SHISA9: variants seen among roughly 807,000 people sequenced by gnomAD.
SHISA9 encodes the protein shisa family member 9.
A neutral mutation model predicts 38.0 loss-of-function variants in SHISA9; 13 were observed. That is an observed-to-expected ratio of 0.34 (90% CI 0.22 to 0.54). The LOEUF (loss-of-function observed/expected upper bound fraction) is 0.54, where lower values mean the gene tolerates loss of function less well. Among genes scored for constraint, SHISA9 ranks in the 20% least tolerant of loss-of-function variants. SHISA9 has a pLI of 0.91. For missense variants in SHISA9, 538 were observed against 575.8 expected, an observed-to-expected ratio of 0.93 and a Z score of 0.67; for synonymous variants, 275 against 242.0, an observed-to-expected ratio of 1.14 and a Z score of -1.27.
the SHISA9 span, among the ~76,000 whole-genome samples, chr16:13,530,289 A>C: frequency 6.6e-5 from 10 of 152,216 alleles, no homozygotes; most frequent in African/African-American, 2.4e-4. Flanking sequence ...TGACAGAGTG[A>C]GACTCCGTCT....
chr16:13,183,390 T>C (rs973781147), intron 2 of SHISA9, among the ~76,000 whole-genome samples: 1 of 152,278 alleles, frequency 6.6e-6, no homozygotes, highest in Non-Finnish European at 1.5e-5. Flanking sequence ...AAGTAATCCA[T>C]GGCTAGTGTT....
At chr16:13,008,988 T>C (rs774050039) in intron 2 of SHISA9, among the ~76,000 whole-genome samples, 16 of 152,088 alleles carry the variant, frequency 1.1e-4, no homozygotes, top group Non-Finnish European at 1.9e-4. Flanking sequence ...CCAAAGTCTT[T>C]GTCAATCAGG....
the SHISA9 span, among the ~76,000 whole-genome samples, chr16:13,316,753 TC>T: frequency 4.6e-5 from 7 of 152,298 alleles, no homozygotes; most frequent in African/African-American, 1.7e-4. Flanking sequence ...TAGTGTTAGC[TC>T]ATTTGATCCT....
the SHISA9 span, among the ~76,000 whole-genome samples, chr16:13,559,450 T>G: frequency 1.3e-5 from 2 of 151,422 alleles, no homozygotes; most frequent in Admixed American, 1.3e-4. Context: ...CAATCATAGC[T>G]CATTGCAGCC....
intron 2 of SHISA9, among the ~76,000 whole-genome samples, chr16:13,083,869 A>C (rs1166476738): frequency 2.6e-5 from 4 of 152,172 alleles, no homozygotes; most frequent in East Asian, 1.9e-4. Flanking sequence ...TGTGAAAAGA[A>C]TCTGGGCAGG....
chr16:12,942,241 C>T (rs1164172097), intron 2 of SHISA9, among the ~76,000 whole-genome samples: 4 of 152,178 alleles, frequency 2.6e-5, no homozygotes, highest in Admixed American at 6.5e-5. Context: ...TTTCCCTCCT[C>T]GGGACGGGAG....
At chr16:13,300,481 C>A in the SHISA9 span, among the ~76,000 whole-genome samples, 1 of 152,054 alleles carries the variant, frequency 6.6e-6, no homozygotes, top group Admixed American at 6.5e-5. Context: ...GCCCCATGAG[C>A]AAAATGTGGA....
chr16:13,532,632 T>C, the SHISA9 span, among the ~76,000 whole-genome samples: 4 of 152,142 alleles, frequency 2.6e-5, no homozygotes, highest in Non-Finnish European at 5.9e-5. Flanking sequence ...TTATTGTTTT[T>C]ACCTCATGTG....
At chr16:12,982,029 C>T (rs1316617729) in intron 2 of SHISA9, among the ~76,000 whole-genome samples, 1 of 152,194 alleles carries the variant, frequency 6.6e-6, no homozygotes, top group African/African-American at 2.4e-5. Context: ...AAGAAGAGCT[C>T]CCCATCAACT....
At chr16:12,968,375 G>A (rs4781366) in intron 2 of SHISA9, among the ~76,000 whole-genome samples, 29,478 of 151,788 alleles carry the variant, frequency 0.19, 3,485 homozygotes, top group Middle Eastern at 0.35. Flanking sequence ...TTATAAGGTG[G>A]GTGAATAAAT....
At chr16:12,904,796 A>T (rs1285657662) in intron 1 of SHISA9, among the ~76,000 whole-genome samples, 1 of 152,234 alleles carries the variant, frequency 6.6e-6, no homozygotes, top group African/African-American at 2.4e-5. Flanking sequence ...TTTTATAAAA[A>T]AAATCCTGTC....
At chr16:13,260,597 C>A in the SHISA9 span, among the ~76,000 whole-genome samples, 3 of 152,170 alleles carry the variant, frequency 2.0e-5, no homozygotes, top group African/African-American at 7.2e-5. Context: ...TCTGAGACCA[C>A]CTCAGCCTGG....
chr16:13,150,240 C>T (rs1596683825), intron 2 of SHISA9, among the ~76,000 whole-genome samples: 2 of 151,982 alleles, frequency 1.3e-5, no homozygotes, highest in African/African-American at 4.8e-5. Flanking sequence ...CTCATGCTGT[C>T]TCATCTGCAT....
At chr16:13,233,073 C>T (rs533425187) in intron 4 of SHISA9, among the ~76,000 whole-genome samples, 1 of 152,270 alleles carries the variant, frequency 6.6e-6, no homozygotes, top group East Asian at 1.9e-4. Context: ...AATATTTTGA[C>T]TTTCTTCTTT....
chr16:13,275,244 A>G, the SHISA9 span, among the ~76,000 whole-genome samples: 161 of 152,184 alleles, frequency 1.1e-3, no homozygotes, highest in African/African-American at 3.8e-3. Context: ...GATCTTTTCT[A>G]TGCATATTTT....
At chr16:12,930,271 ATTAC>A (rs1365117279) in intron 2 of SHISA9, among the ~76,000 whole-genome samples, 1 of 152,224 alleles carries the variant, frequency 6.6e-6, no homozygotes, top group Non-Finnish European at 1.5e-5. Context: ...AAATGCTGCT[ATTAC>A]TTTTTCTTTG....
At chr16:13,186,039 G>T (rs571361162) in intron 2 of SHISA9, among the ~76,000 whole-genome samples, 2 of 152,236 alleles carry the variant, frequency 1.3e-5, no homozygotes, top group East Asian at 3.9e-4. Context: ...TAGCGAATTG[G>T]CTGGGACAGA....
chr16:13,022,449 A>G (rs1023600101), intron 2 of SHISA9, among the ~76,000 whole-genome samples: 6 of 151,714 alleles, frequency 4.0e-5, no homozygotes, highest in African/African-American at 1.5e-4. Context: ...CTCCTGCCTC[A>G]GCCTCCCAAG....
intron 1 of SHISA9, among the ~76,000 whole-genome samples, chr16:12,905,045 G>A (rs965517410): frequency 6.6e-6 from 1 of 152,080 alleles, no homozygotes; most frequent in Non-Finnish European, 1.5e-5. Flanking sequence ...AGCTCTCCAG[G>A]TGATGCTAAT....
Sources: allele counts gnomAD v4.1 joint callset (sites outside exome capture counted in the v4.1 genomes callset), GRCh38; gene constraint gnomAD v4.1.1; transcripts MANE v1.5; gene names NCBI Gene and HGNC (gene_info 2026-07-23, HGNC 2026-07-21).